LHPP: variants seen among roughly 807,000 people sequenced by gnomAD.
LHPP encodes the protein hLHPP.
LHPP carries 24 observed loss-of-function variants against 30.3 expected under a neutral mutation model. That is an observed-to-expected ratio of 0.79 (90% confidence interval 0.57 to 1.11). LHPP has a LOEUF of 1.11. Among genes scored for constraint, LHPP ranks in the 50% most tolerant of loss-of-function variants. The pLI, the probability that LHPP is intolerant of heterozygous loss-of-function variation, is 0.00. For missense variants in LHPP, 356 were observed against 367.2 expected (o/e 0.97, Z 0.25); for synonymous variants, 150 against 157.1 (o/e 0.95, Z 0.34).
Position 124,507,071 on chromosome 10 carries a change from C to G in LHPP, c.624+8943C>G, listed in dbSNP as rs1468022190. Among the ~76,000 whole-genome samples, 4 of 6,072 alleles carry G rather than the reference C, an allele frequency of 6.6e-4. 1 individual carries two copies. The African/African-American group carries it at 8.3e-3, about 13-fold the overall frequency. The allele number at this position is 6,072 out of a possible 152,430, so 4.0% of individuals were successfully genotyped here. A position where few individuals can be genotyped will look rare whatever the true frequency, so the allele number is the denominator to read the frequency against. On this transcript the variant is annotated intron_variant, in intron 5 of 6. Transcript: ENST00000368842. ...GGAGGATTTCAGGTGTAGGGGTAGA[C>G]AGGATTTCAGGTGGGGGGGTAGGGA...
At chr10:124,543,944 C>T (rs1454494470) in intron 6 of LHPP, among the ~76,000 whole-genome samples, 1 of 152,316 alleles carries the variant, frequency 6.6e-6, no homozygotes, top group Middle Eastern at 3.4e-3. Flanking sequence ...CTAAAAGCAA[C>T]GATTTATAAA....
chr10:124,489,525 G>T (rs1288039427), intron 3 of LHPP, among the ~76,000 whole-genome samples: 3 of 152,154 alleles, frequency 2.0e-5, no homozygotes, highest in Non-Finnish European at 4.4e-5. Flanking sequence ...CGTGATCTCG[G>T]CTCGCTGCAA....
At chr10:124,470,310 C>T (rs1458405630) in intron 1 of LHPP, among the ~76,000 whole-genome samples, 1 of 152,118 alleles carries the variant, frequency 6.6e-6, no homozygotes, top group Non-Finnish European at 1.5e-5. Context: ...CCCGGCTCGG[C>T]GTTTTTGGAG....
rs112090520 is a variant in LHPP at position 124,478,900 on chromosome 10, C to T, written c.126-5239C>T. Among the ~76,000 whole-genome samples the T allele has an allele frequency of 1.3e-3, 192 of 152,192 alleles. No homozygotes were observed. Among genetic ancestry groups the T allele is most frequent in the African/African-American group, 4.4e-3 (184 of 41,536 alleles). ...CCTGGGCAACATGGTGAGACCCCGT[C>T]TCTACTAAAAATATAAAAATTAGCC... On this transcript the variant is annotated intron_variant, in intron 1 of 6. Coordinates refer to ENST00000368842, the MANE Select transcript of LHPP (RefSeq NM_022126.4). The surrounding 1 kb of genome is among the most constrained non-coding windows in gnomAD (Gnocchi z 4.7).
In LHPP at chr10:124,537,793, G is replaced by A. The variant is rs1040158143; in HGVS notation, c.716+20522G>A. ...TTACCCGAGACTTCGGAGCTCTCAC[G>A]GGTGCGAGTAATTTAGGCTGCATGG... On this transcript the variant is annotated intron_variant, in intron 6 of 6. Transcript: ENST00000368842. Among the ~76,000 whole-genome samples the A allele has an allele frequency of 1.1e-4, 17 of 152,230 alleles. 1 individual carries two copies. The highest frequency in any genetic ancestry group is 4.4e-5 in the Non-Finnish European group (3 of 68,032).
chr10:124,488,685 C>T (rs1953416702), intron 3 of LHPP, 110 bp downstream of exon 3: 1 of 874,406 alleles, frequency 1.1e-6, no homozygotes, highest in African/African-American at 1.7e-5. Flanking sequence ...GTGGGAGGAG[C>T]ACCGGTGATC....
chr10:124,476,612 C>T (rs1952953891), intron 1 of LHPP, among the ~76,000 whole-genome samples: 1 of 152,230 alleles, frequency 6.6e-6, no homozygotes, highest in Admixed American at 6.5e-5. Context: ...GGTCCCCCAG[C>T]CCAAGCTGGT....
chr10:124,600,589 G>C lies in LHPP; in HGVS notation c.717-12675G>C, dbSNP rs569052218. On this transcript the variant is annotated intron_variant, in intron 6 of 6. Transcript: ENST00000368842. The stretch of plus-strand genomic sequence containing the variant: ...GGTGCCCGGGGTCTCACGCAGTGGG[G>C]CCTCCCCGGAGGAGGTGAAGTGCAT... Among the ~76,000 whole-genome samples the C allele has an allele frequency of 3.9e-5, 6 of 152,374 alleles. No homozygotes were observed. In the East Asian group the frequency reaches 1.2e-3, roughly 29 times the overall value.
chr10:124,475,432 T>C (rs1341574726), intron 1 of LHPP, among the ~76,000 whole-genome samples: 1 of 151,322 alleles, frequency 6.6e-6, no homozygotes, highest in East Asian at 2.0e-4. Flanking sequence ...TCCCAGCTAC[T>C]TGGGAGGCTG....
At chr10:124,597,702 G>A (rs546970299) in intron 6 of LHPP, among the ~76,000 whole-genome samples, 1 of 152,188 alleles carries the variant, frequency 6.6e-6, no homozygotes, top group African/African-American at 2.4e-5. Context: ...GGCACTTCTG[G>A]GGCAGCCCAG....
Position 124,514,367 on chromosome 10 carries a change from G to A in LHPP, c.625-2813G>A, listed in dbSNP as rs1954393225. On this transcript the variant is annotated intron_variant, in intron 5 of 6. Transcript: ENST00000368842. ...CCAAAGGACTTCTTCTACATTTCTT[G>A]TAGGGTAGATCTCTTGGTGATGAAT... Among the ~76,000 whole-genome samples the A allele has an allele frequency of 2.0e-5, 3 of 152,198 alleles. No homozygotes were observed. In the South Asian group the frequency reaches 6.2e-4, roughly 31 times the overall value.
chr10:124,519,770 G>A (rs1002018904), intron 6 of LHPP, among the ~76,000 whole-genome samples: 6 of 151,930 alleles, frequency 3.9e-5, no homozygotes, highest in Admixed American at 2.0e-4. Context: ...CCATTATTTC[G>A]TTCCTTTTTA....
In LHPP at chr10:124,541,158, T is replaced by C. The variant is rs543717954; in HGVS notation, c.716+23887T>C. ...AGTGTGCCTGAGTCCTGGAGTGCGA[T>C]GTATTCTGAGCCACCCAGAATGGTG... On this transcript the variant is annotated intron_variant, in intron 6 of 6. Transcript: ENST00000368842. This position sits in a 1 kb window ranked among gnomAD's most constrained non-coding sequence, Gnocchi z 4.2. Among the ~76,000 whole-genome samples the C allele has an allele frequency of 1.1e-3, 168 of 152,210 alleles. 3 individuals carry two copies. The highest frequency in any genetic ancestry group is 3.9e-3 in the African/African-American group (160 of 41,540).
chr10:124,533,455 C>T (rs1465731856), intron 6 of LHPP, among the ~76,000 whole-genome samples: 1 of 152,174 alleles, frequency 6.6e-6, no homozygotes, highest in Non-Finnish European at 1.5e-5. Context: ...TGGAGGCTTC[C>T]CTTACTTCCG....
rs1417488528 is a variant in LHPP, at chr10:124,496,611, A to G, written c.468-350A>G. 6.6e-6 allele frequency among the ~76,000 whole-genome samples: 1 copy of G among 152,198 alleles called. No individual in the cohort carries two copies. Among genetic ancestry groups the G allele is most frequent in the Non-Finnish European group, 1.5e-5 (1 of 68,016 alleles). On this transcript the variant is annotated intron_variant, in intron 3 of 6. Coordinates refer to ENST00000368842, the MANE Select transcript of LHPP (RefSeq NM_022126.4). This position sits in a 1 kb window ranked among gnomAD's most constrained non-coding sequence, Gnocchi z 4.3. ...GCTGTTCCTTCCCAGGACACAGGTCACTTGTCATTCTCTGTGTTAGCAACT... is the reference window on the plus strand; with the variant it reads ...GCTGTTCCTTCCCAGGACACAGGTCGCTTGTCATTCTCTGTGTTAGCAACT...
intron 1 of LHPP, among the ~76,000 whole-genome samples, chr10:124,477,047 A>G (rs1564773039): frequency 1.3e-5 from 2 of 152,206 alleles, no homozygotes; most frequent in African/African-American, 2.4e-5. Flanking sequence ...TACTAAAAAT[A>G]CAAAAATTAG....
intron 6 of LHPP, among the ~76,000 whole-genome samples, chr10:124,549,144 G>A (rs1955419418): frequency 6.6e-6 from 1 of 152,212 alleles, no homozygotes; most frequent in Admixed American, 6.5e-5. Flanking sequence ...ATAAAGGTTT[G>A]ATGAATGTAT....
intron 6 of LHPP, among the ~76,000 whole-genome samples, chr10:124,577,831 C>T (rs1181993855): frequency 2.6e-5 from 4 of 152,044 alleles, no homozygotes; most frequent in Non-Finnish European, 5.9e-5. Context: ...CTTGTGGCCC[C>T]GTCACAACTG....
intron 6 of LHPP, among the ~76,000 whole-genome samples, chr10:124,569,609 A>C (rs897606466): frequency 6.6e-6 from 1 of 152,166 alleles, no homozygotes; most frequent in African/African-American, 2.4e-5. Flanking sequence ...GGATTTGCCG[A>C]GTGGCTTACT....
Sources: allele counts gnomAD v4.1 joint callset (sites outside exome capture counted in the v4.1 genomes callset), GRCh38; gene constraint gnomAD v4.1.1; non-coding constraint Gnocchi (gnomAD v3.1); transcripts MANE v1.5; gene names NCBI Gene and HGNC (gene_info 2026-07-23, HGNC 2026-07-21).